Variants in CHD1L observed in about 807,000 individuals in gnomAD.
CHD1L encodes the protein chromodomain helicase DNA binding protein 1 like.
A neutral mutation model predicts 115.9 loss-of-function variants in CHD1L; 118 were observed. That is an observed-to-expected ratio of 1.02 (90% confidence interval 0.88 to 1.19). CHD1L has a LOEUF of 1.19. Ranked by LOEUF, CHD1L falls within the 50% of genes most tolerant of loss-of-function variation. The pLI, the probability that CHD1L is intolerant of heterozygous loss-of-function variation, is 0.00. For synonymous variants in CHD1L, 411 were observed against 387.1 expected, an observed-to-expected ratio of 1.06 and a Z score of -0.72; for missense variants, 1,179 against 1,065.3, an observed-to-expected ratio of 1.11 and a Z score of -1.49.
At chr1:147,210,166 A>G in the CHD1L span, 5 of 152,226 alleles carry the variant, frequency 3.3e-5, no homozygotes, top group African/African-American at 9.6e-5. Flanking sequence ...CAGAGCTAGT[A>G]AGTGGCAGAG....
In CHD1L at chr1:147,261,943, C is replaced by A. The variant is rs1672086947; in HGVS notation, c.576+2025C>A. Among the ~76,000 whole-genome samples the A allele has an allele frequency of 4.0e-5, 6 of 150,322 alleles. No individual in the cohort carries two copies. The South Asian group carries it at 1.4e-3, about 34-fold the overall frequency. ...GGGCGCAGTGGCTCACGCCTGTAAT[C>A]CCAGCACTTTGGGAGGCTGAGATGG... On this transcript the variant is annotated intron_variant, in intron 6 of 22. Transcript: ENST00000369258.
At chr1:147,237,770 G>A (rs1664630221), upstream of CHD1L, among the ~76,000 whole-genome samples, 1 of 152,168 alleles carries the variant, frequency 6.6e-6, no homozygotes, top group Non-Finnish European at 1.5e-5. Context: ...CTGCTGGTTG[G>A]AGAACATAAA....
At chr1:147,268,413 C>G (rs781899248) in intron 9 of CHD1L, among the ~76,000 whole-genome samples, 1 of 152,158 alleles carries the variant, frequency 6.6e-6, no homozygotes, top group Admixed American at 6.5e-5. Context: ...CAAGTAGGTG[C>G]ATATGAGAAC....
chr1:147,202,032 T>C, the CHD1L span, among the ~76,000 whole-genome samples: 1 of 152,188 alleles, frequency 6.6e-6, no homozygotes, highest in African/African-American at 2.4e-5. Context: ...GCAGAATAGG[T>C]GTCATTATCC....
chr1:147,286,437 G>A lies in CHD1L; in HGVS notation c.2158G>A (p.Val720Ile), dbSNP rs200761960. Residue 720 changes from valine to isoleucine, a missense_variant, in exon 18 of 23, where the codon GTT becomes ATT. Physicochemically the swap from Val to Ile is conservative, Grantham distance 29. Coordinates refer to ENST00000369258, the MANE Select transcript of CHD1L (RefSeq NM_004284.6). ...QDPDATSLKY[V>I]SGDVTHPQAG... ...CCCAGATGCTACTTCCCTCAAGTAC[G>A]TTAGTGGTGATGTCACCCACCCTCA... 281 of 1,614,156 alleles carry A rather than the reference G, an allele frequency of 1.7e-4. 2 individuals are homozygous for A. In the South Asian group the frequency reaches 2.8e-3, roughly 16 times the overall value.
At chr1:147,252,326 A>T (rs1364216771) in intron 1 of CHD1L, among the ~76,000 whole-genome samples, 1 of 152,222 alleles carries the variant, frequency 6.6e-6, no homozygotes, top group Non-Finnish European at 1.5e-5. Flanking sequence ...CACTGGTGTG[A>T]GTCTCAGGCA....
intron 22 of CHD1L, 37 bp downstream of exon 22, chr1:147,294,554 C>T: frequency 6.6e-7 from 1 of 1,503,818 alleles, no homozygotes; most frequent in East Asian, 2.3e-5. Flanking sequence ...GTTCTCCCAA[C>T]CCAAGAGGGA....
chr1:147,255,883 CT>C lies in CHD1L; in HGVS notation c.419del (p.Leu140ArgfsTer11). ...KEERACLQQD[L>X]KQESRFHVLL... The stretch of plus-strand genomic sequence containing the variant: ...GGAAAGAGCCTGCCTTCAGCAAGAC[CT>C]GAAACAGGAGTCACGTTTTCATGTG... On this transcript the variant is annotated frameshift_variant, in exon 4 of 23. Coordinates refer to ENST00000369258, the MANE Select transcript of CHD1L (RefSeq NM_004284.6). LOFTEE classifies it high-confidence loss of function. The C allele has an allele frequency of 6.2e-7, 1 of 1,613,828 alleles. No individual in the cohort carries two copies. The highest frequency in any genetic ancestry group is 8.5e-7 in the Non-Finnish European group (1 of 1,179,828).
upstream of CHD1L, among the ~76,000 whole-genome samples, chr1:147,240,395 G>T (rs782628622): frequency 2.0e-5 from 3 of 152,220 alleles, no homozygotes; most frequent in African/African-American, 7.2e-5. Flanking sequence ...ACTGCGGAAG[G>T]CCGCAGGGAC....
At chr1:147,259,751 A>ACTGTGTTAT in intron 5 of CHD1L, 86 bp from the exon 6 acceptor site, 1 of 1,150,802 alleles carries the variant, frequency 8.7e-7, no homozygotes. Context: ...CTTTTTAATA[A>ACTGTGTTAT]CAGTCACAGT....
At chr1:147,268,081 G>A (rs914140394) in intron 9 of CHD1L, among the ~76,000 whole-genome samples, 3 of 152,068 alleles carry the variant, frequency 2.0e-5, no homozygotes, top group Admixed American at 6.5e-5. Context: ...AAGCACTTTC[G>A]TCCCTCAGCT....
Position 147,284,485 on chromosome 1 carries a change from C to A in CHD1L, c.1840C>A (p.Arg614=). The A allele has an allele frequency of 6.3e-7, 1 of 1,597,008 alleles. No homozygotes were observed. The highest frequency in any genetic ancestry group is 8.5e-7 in the Non-Finnish European group (1 of 1,175,084). Residue 614 remains arginine (R), a synonymous_variant, in exon 16 of 23, where the codon CGA becomes AGA. Coordinates refer to ENST00000369258, the MANE Select transcript of CHD1L (RefSeq NM_004284.6). ...EKASQEGRSL[R]NKGSVLIPGL... ...AGCTAGTCAAGAGGGCCGATCACTC[C>A]GAAATAAAGGCAGTGTAAGAACTGT...
chr1:147,295,524 T>A lies in CHD1L; in HGVS notation c.*15T>A. The A allele has an allele frequency of 1.3e-6, 2 of 1,577,116 alleles. No homozygotes were observed. Among genetic ancestry groups the A allele is most frequent in the Non-Finnish European group, 8.7e-7 (1 of 1,149,796 alleles). On this transcript the variant is annotated 3_prime_UTR_variant, in exon 23 of 23. Transcript: ENST00000369258. ...TGGTGCCTTAAGAATTGGCCCAGCC[T>A]CAGATCCTGTCTTTAGCAACCAGCT...
chr1:147,181,732 T>C, the CHD1L span, among the ~76,000 whole-genome samples: 1 of 152,196 alleles, frequency 6.6e-6, no homozygotes, highest in African/African-American at 2.4e-5. Context: ...AAATGAAGTT[T>C]AGCTAAGCAA....
chr1:147,274,083 G>A (rs587614493), intron 12 of CHD1L, among the ~76,000 whole-genome samples: 3 of 152,264 alleles, frequency 2.0e-5, no homozygotes, highest in African/African-American at 7.2e-5. Flanking sequence ...TAGTATAGTG[G>A]ATAAAAGCAC....
At chr1:147,266,851 ATTG>A (rs782382201) in intron 8 of CHD1L, among the ~76,000 whole-genome samples, 30 of 152,354 alleles carry the variant, frequency 2.0e-4, no homozygotes, top group Non-Finnish European at 4.1e-4. Context: ...TATTGTTATA[ATTG>A]TTGTATTTTA....
At position 147,287,705 on chromosome 1, in the gene CHD1L, AAT is replaced by A. The variant is rs1483297833; in HGVS notation, c.2297_2298del (p.Tyr766Ter). The A allele has an allele frequency of 2.5e-6, 4 of 1,613,968 alleles. No individual in the cohort carries two copies. Among genetic ancestry groups the A allele is most frequent in the African/African-American group, 2.7e-5 (2 of 74,914 alleles). ...AAAAGCGATCCGCTGAGCCAAGAAA[AAT>A]ATATGAGCTGGCTGGGAAAATGAAA... ...LEKRSAEPRKIYELAGKMKDL... is the reference protein window; with the variant it reads ...LEKRSAEPRKXYELAGKMKDL... On this transcript the variant is annotated frameshift_variant, in exon 19 of 23. Coordinates refer to ENST00000369258, the MANE Select transcript of CHD1L (RefSeq NM_004284.6). LOFTEE classifies it high-confidence loss of function.
chr1:147,272,667 G>A (rs1331462431), intron 12 of CHD1L, among the ~76,000 whole-genome samples: 2 of 152,152 alleles, frequency 1.3e-5, no homozygotes, highest in Non-Finnish European at 2.9e-5. Context: ...TCCTCTATAA[G>A]TATTTCTGGA....
At chr1:147,285,533 C>G in intron 17 of CHD1L, 46 bp downstream of exon 17, 1 of 1,572,300 alleles carries the variant, frequency 6.4e-7, no homozygotes, top group Non-Finnish European at 8.6e-7. Context: ...GAAGGAGTCA[C>G]TATTGTATAG....
Sources: allele counts gnomAD v4.1 joint callset (sites outside exome capture counted in the v4.1 genomes callset), GRCh38; gene constraint gnomAD v4.1.1; transcripts MANE v1.5; gene names NCBI Gene and HGNC (gene_info 2026-07-23, HGNC 2026-07-21).